Variants in ZNF112 observed in about 807,000 individuals in gnomAD.
ZNF112 encodes zinc finger protein 112 (Y14).
ZNF112 carries 37 observed loss-of-function variants against 77.7 expected under a neutral mutation model. The ratio of observed to expected loss-of-function variants is 0.48; its 90% CI spans 0.37 to 0.63. The LOEUF (loss-of-function observed/expected upper bound fraction) is 0.63, where lower values mean the gene tolerates loss of function less well. ZNF112 is among the 20% of genes least tolerant of loss of function. The pLI is 0.00. For synonymous variants in ZNF112, 333 were observed against 363.6 expected (o/e 0.92, Z 0.96); for missense variants, 950 against 1,077.4 (o/e 0.88, Z 1.66).
intron 1 of ZNF112, chr19:44,343,255 T>G: frequency 6.2e-7 from 1 of 1,613,574 alleles, no homozygotes; most frequent in Non-Finnish European, 8.5e-7. Flanking sequence ...CCAGCTCACC[T>G]GGAATTTGGT....
At chr19:44,364,462 A>G (rs1160427389) in intron 1 of ZNF112, among the ~76,000 whole-genome samples, 1 of 152,190 alleles carries the variant, frequency 6.6e-6, no homozygotes, top group Non-Finnish European at 1.5e-5. Context: ...ATTTGGGCAG[A>G]GTTTAATGTA....
Position 44,328,009 on chromosome 19 carries a change from T to A in ZNF112, c.2148A>T (p.Ile716=), listed in dbSNP as rs1228909140. The change falls in exon 4 of 4, where the codon ATA becomes ATT. Residue 716 remains isoleucine (I), a synonymous_variant. Coordinates refer to ENST00000354340, the MANE Select transcript of ZNF112 (RefSeq NM_013380.4). Reference sequence around the variant, plus strand: ...TGAAGCCCTTTCCACATACCTCACATATATATGGTCTTTCTCCAGAATGGA... The same window carrying A: ...TGAAGCCCTTTCCACATACCTCACAAATATATGGTCTTTCTCCAGAATGGA... ...QSVHSGERPY[I]CEVCGKGFSQ... is the part of the protein sequence containing the mutation. 2 of 1,612,992 alleles carry A rather than the reference T, an allele frequency of 1.2e-6. No homozygotes were observed. The highest frequency in any genetic ancestry group is 4.5e-5 in the East Asian group (2 of 44,780).
intron 2 of ZNF112, 61 bp from the exon 3 acceptor site, chr19:44,336,779 C>T: frequency 7.1e-7 from 1 of 1,400,930 alleles, no homozygotes; most frequent in Non-Finnish European, 1.0e-6. Context: ...TTGGTCAAAA[C>T]TAGACAAAAA....
intron 3 of ZNF112, among the ~76,000 whole-genome samples, chr19:44,332,774 T>C (rs1477571597): frequency 1.3e-5 from 2 of 152,172 alleles, no homozygotes; most frequent in Non-Finnish European, 2.9e-5. Flanking sequence ...TTAAAGTTTC[T>C]CTCTGAGCAG....
upstream of ZNF112, among the ~76,000 whole-genome samples, chr19:44,357,749 C>T (rs545474625): frequency 1.3e-5 from 2 of 152,212 alleles, no homozygotes; most frequent in Admixed American, 1.3e-4. Flanking sequence ...TGTAAAACCT[C>T]GAAATTTTTT....
chr19:44,346,807 A>G (rs1018750735), intron 1 of ZNF112, among the ~76,000 whole-genome samples: 6 of 152,228 alleles, frequency 3.9e-5, no homozygotes, highest in Non-Finnish European at 7.3e-5. Context: ...CAAATGGGAA[A>G]GACAGATCAG....
At chr19:44,349,978 G>A (rs2123202627) in intron 1 of ZNF112, among the ~76,000 whole-genome samples, 1 of 152,096 alleles carries the variant, frequency 6.6e-6, no homozygotes, top group South Asian at 2.1e-4. Context: ...AAGTTTGAGT[G>A]GTTGAATGGT....
intron 1 of ZNF112, among the ~76,000 whole-genome samples, chr19:44,347,485 A>ACTTTTTTTTTTTTTTTTTTTTTTTTTTTT (rs1555804139): frequency 2.5e-5 from 1 of 40,322 alleles, no homozygotes; most frequent in African/African-American, 7.2e-5. Context: ...TTTTGGGTTG[A>ACTTTTTTTTTTTTTTTTTTTTTTTTTTTT]TTTTTTTTTT....
intron 1 of ZNF112, among the ~76,000 whole-genome samples, chr19:44,346,647 A>T (rs1055584419): frequency 6.6e-6 from 1 of 152,132 alleles, no homozygotes; most frequent in Non-Finnish European, 1.5e-5. Flanking sequence ...ATATACTCTC[A>T]CTGAGTTGAA....
At chr19:44,337,414 A>ATAATATATATTATATATATAAAATATAT (rs1455625918) in intron 2 of ZNF112, among the ~76,000 whole-genome samples, 5 of 27,540 alleles carry the variant, frequency 1.8e-4, no homozygotes, top group African/African-American at 6.0e-4. Context: ...TTTTATATAT[A>ATAATATATATTATATATATAAAATATAT]ATAATATATA....
intron 1 of ZNF112, among the ~76,000 whole-genome samples, chr19:44,343,919 C>T (rs553413324): frequency 1.3e-5 from 2 of 152,254 alleles, no homozygotes; most frequent in South Asian, 4.1e-4. Flanking sequence ...CTGCTCTGTC[C>T]CGGGAAAGTC....
Position 44,327,514 on chromosome 19 carries a change from T to G in ZNF112, c.2643A>C (p.Lys881Asn), listed in dbSNP as rs755419860. 13 of 1,613,840 alleles carry G rather than the reference T, an allele frequency of 8.1e-6. No homozygotes were observed. Among genetic ancestry groups the G allele is most frequent in the African/African-American group, 8.0e-5 (6 of 74,908 alleles). ...TACCATAGTCTTCGCTTTTATAGAA[T>G]TTATCACTACTATGGACTCTTTGAT... ...LIHQRVHSSDKFYKSEDYGKD... is the reference protein window; with the variant it reads ...LIHQRVHSSDNFYKSEDYGKD... The change falls in exon 4 of 4, where the codon AAA (lysine) becomes AAC (asparagine). Residue 881 changes from lysine to asparagine, a missense_variant. By Grantham distance (94) the Lys-to-Asn change is moderately conservative (BLOSUM62 0). Around this residue, in one of 3 missense-constraint regions of ZNF112, gnomAD observed 373 missense variants for 482.8 expected, o/e 0.77. Transcript: ENST00000354340.
At chr19:44,363,693 A>G (rs1453102602) in intron 1 of ZNF112, among the ~76,000 whole-genome samples, 5 of 152,192 alleles carry the variant, frequency 3.3e-5, no homozygotes, top group South Asian at 2.1e-4. Context: ...AATTGTTTAA[A>G]TATTTTTATG....
At chr19:44,350,401 A>T (rs921016106) in intron 1 of ZNF112, among the ~76,000 whole-genome samples, 1 of 152,000 alleles carries the variant, frequency 6.6e-6, no homozygotes, top group African/African-American at 2.4e-5. Context: ...GATTTTTTTT[A>T]AATCTCAGGG....
chr19:44,353,511 C>T (rs1463264596), intron 1 of ZNF112, among the ~76,000 whole-genome samples: 2 of 151,840 alleles, frequency 1.3e-5, no homozygotes, highest in African/African-American at 2.4e-5. Flanking sequence ...GGACTTATAT[C>T]CAGAATATAT....
intron 1 of ZNF112, among the ~76,000 whole-genome samples, chr19:44,346,084 C>A (rs1033619627): frequency 6.6e-6 from 1 of 152,220 alleles, no homozygotes; most frequent in African/African-American, 2.4e-5. Flanking sequence ...TGTATGTGCC[C>A]CGCTCTGTGA....
intron 2 of ZNF112, among the ~76,000 whole-genome samples, chr19:44,339,762 G>A (rs1316441434): frequency 6.6e-6 from 1 of 152,068 alleles, no homozygotes; most frequent in Non-Finnish European, 1.5e-5. Flanking sequence ...GTACTCTTGG[G>A]TCTTGGGGAC....
At chr19:44,336,490 A>C in intron 3 of ZNF112, 133 bp downstream of exon 3, 3 of 699,102 alleles carry the variant, frequency 4.3e-6, no homozygotes, top group Non-Finnish European at 7.4e-6. Flanking sequence ...CTAATAGACC[A>C]CTTTAAGTAC....
intron 1 of ZNF112, among the ~76,000 whole-genome samples, chr19:44,355,746 T>C (rs1171591882): frequency 1.3e-5 from 2 of 152,254 alleles, no homozygotes; most frequent in African/African-American, 2.4e-5. Context: ...CAGCACTAAA[T>C]GTTTAAATAC....
Sources: gnomAD v4.1 joint callset for allele counts (sites outside exome capture counted in the v4.1 genomes callset) on GRCh38, gnomAD v4.1.1 for gene constraint, gnomAD v4.1.1 regional missense constraint, MANE v1.5 for transcripts, NCBI Gene and HGNC (gene_info 2026-07-23, HGNC 2026-07-21) for gene names.